Variants in DOK6 observed in about 807,000 individuals in gnomAD.
The protein encoded by DOK6 is docking protein 6.
In DOK6, 22 loss-of-function variants were observed where a neutral mutation model predicts 44.0. The ratio of observed to expected loss-of-function variants is 0.50; its 90% CI spans 0.36 to 0.71. The LOEUF is 0.71. DOK6 is among the 30% of genes least tolerant of loss of function. The pLI, the probability that DOK6 is intolerant of heterozygous loss-of-function variation, is 0.00. For synonymous variants in DOK6, 166 were observed against 145.5 expected, an observed-to-expected ratio of 1.14 and a Z score of -1.01; for missense variants, 340 against 416.4, an observed-to-expected ratio of 0.82 and a Z score of 1.60.
At chr18:69,736,321 AACAAAAAC>A (rs1418340132) in intron 5 of DOK6, among the ~76,000 whole-genome samples, 1 of 152,088 alleles carries the variant, frequency 6.6e-6, no homozygotes, top group Non-Finnish European at 1.5e-5. Context: ...GTTGAAAACA[AACAAAAAC>A]AAAGAAAATT....
At chr18:69,748,106 A>C (rs1979048552) in intron 6 of DOK6, among the ~76,000 whole-genome samples, 1 of 152,230 alleles carries the variant, frequency 6.6e-6, no homozygotes, top group Non-Finnish European at 1.5e-5. Flanking sequence ...GGTTTCTGAC[A>C]AAACAGACTT....
chr18:69,438,068 G>T (rs914381422), intron 1 of DOK6, among the ~76,000 whole-genome samples: 3 of 152,192 alleles, frequency 2.0e-5, no homozygotes, highest in Non-Finnish European at 4.4e-5. Context: ...GCTGCTGACA[G>T]ATCAAGGTGG....
chr18:69,611,949 TAC>T (rs56185499), intron 3 of DOK6, among the ~76,000 whole-genome samples: 2 of 150,188 alleles, frequency 1.3e-5, no homozygotes, highest in African/African-American at 2.5e-5. Flanking sequence ...ATATAAAACT[TAC>T]ACACACACAC....
At chr18:69,747,594 C>CG (rs1394282389) in intron 6 of DOK6, among the ~76,000 whole-genome samples, 1 of 147,782 alleles carries the variant, frequency 6.8e-6, no homozygotes, top group Non-Finnish European at 1.5e-5. Flanking sequence ...TTCCGCTCCG[C>CG]CCCCTCCCCC....
chr18:69,434,844 C>T (rs1978904839), intron 1 of DOK6, among the ~76,000 whole-genome samples: 1 of 150,620 alleles, frequency 6.6e-6, no homozygotes, highest in Non-Finnish European at 1.5e-5. Flanking sequence ...ATCGCTTGAA[C>T]CAGGGAGGCG....
chr18:69,589,711 G>A (rs1983582467), intron 2 of DOK6, among the ~76,000 whole-genome samples: 1 of 152,076 alleles, frequency 6.6e-6, no homozygotes, highest in Non-Finnish European at 1.5e-5. Flanking sequence ...AATTTGCCCA[G>A]TTAGGCTAAA....
At chr18:69,738,866 G>C (rs957986251) in intron 5 of DOK6, 99 bp from the exon 6 acceptor site, 7 of 1,467,166 alleles carry the variant, frequency 4.8e-6, no homozygotes, top group African/African-American at 4.2e-5. Flanking sequence ...TGGAGGTCAG[G>C]AGGAGGAGGC....
chr18:69,750,737 C>T (rs12965195), intron 6 of DOK6, among the ~76,000 whole-genome samples: 14,355 of 152,054 alleles, frequency 0.094, 692 homozygotes, highest in Middle Eastern at 0.15. Flanking sequence ...AGGTATGTAC[C>T]CAAATGATTT....
intron 1 of DOK6, among the ~76,000 whole-genome samples, chr18:69,535,052 C>G (rs1399574594): frequency 1.3e-5 from 2 of 151,954 alleles, no homozygotes; most frequent in East Asian, 3.9e-4. Flanking sequence ...CTCAGTGCAC[C>G]TTCATTCTTT....
intron 1 of DOK6, among the ~76,000 whole-genome samples, chr18:69,413,459 C>A (rs1978314561): frequency 2.0e-5 from 3 of 151,940 alleles, no homozygotes. Context: ...AAATAGGGAC[C>A]CACACAAATA....
chr18:69,633,389 G>A (rs548135087), intron 3 of DOK6, among the ~76,000 whole-genome samples: 1 of 152,268 alleles, frequency 6.6e-6, no homozygotes, highest in South Asian at 2.1e-4. Context: ...CCTATGCAAA[G>A]TCTATACTGT....
intron 5 of DOK6, among the ~76,000 whole-genome samples, chr18:69,726,756 G>C (rs1447021900): frequency 1.3e-5 from 2 of 151,730 alleles, no homozygotes; most frequent in African/African-American, 4.8e-5. Context: ...TGTCTGATGG[G>C]AGCCCACTCC....
intron 1 of DOK6, among the ~76,000 whole-genome samples, chr18:69,527,099 AAAC>A (rs1981851233): frequency 6.6e-6 from 1 of 152,170 alleles, no homozygotes; most frequent in Admixed American, 6.5e-5. Context: ...CTCTTGTATA[AAAC>A]AACTTTATCG....
intron 3 of DOK6, among the ~76,000 whole-genome samples, chr18:69,669,757 A>T (rs895321199): frequency 1.3e-5 from 2 of 151,906 alleles, no homozygotes; most frequent in African/African-American, 4.8e-5. Context: ...TTTCCACTTC[A>T]TGTTAATAAT....
chr18:69,571,098 G>C (rs1983104791), intron 2 of DOK6, among the ~76,000 whole-genome samples: 1 of 151,900 alleles, frequency 6.6e-6, no homozygotes, highest in Non-Finnish European at 1.5e-5. Flanking sequence ...TAAAGATGTT[G>C]GTGGTGAGTA....
chr18:69,570,354 A>C (rs749378503), intron 2 of DOK6, among the ~76,000 whole-genome samples: 6 of 152,134 alleles, frequency 3.9e-5, no homozygotes, highest in Non-Finnish European at 8.8e-5. Flanking sequence ...ATAATAGAAG[A>C]AATAGTGAAC....
At chr18:69,644,843 T>C (rs1480727953) in intron 3 of DOK6, among the ~76,000 whole-genome samples, 1 of 152,252 alleles carries the variant, frequency 6.6e-6, no homozygotes, top group Non-Finnish European at 1.5e-5. Flanking sequence ...CAGGTGGACT[T>C]GTTATCTTCT....
chr18:69,476,033 C>T (rs1263839916), intron 1 of DOK6, among the ~76,000 whole-genome samples: 1 of 152,192 alleles, frequency 6.6e-6, no homozygotes, highest in Admixed American at 6.5e-5. Flanking sequence ...CCTTGCCACT[C>T]TCCTTCCCAC....
chr18:69,698,873 G>A (rs895008800), intron 5 of DOK6, among the ~76,000 whole-genome samples: 1 of 152,002 alleles, frequency 6.6e-6, no homozygotes, highest in Non-Finnish European at 1.5e-5. Context: ...AATGTAATAT[G>A]TTTTGCAAGA....
Sources: gnomAD v4.1 joint callset for allele counts (sites outside exome capture counted in the v4.1 genomes callset) on GRCh38, gnomAD v4.1.1 for gene constraint, MANE v1.5 for transcripts, NCBI Gene and HGNC (gene_info 2026-07-23, HGNC 2026-07-21) for gene names.